The following TOR1AIP2 variants were observed in gnomAD, a reference collection of about 807,000 sequenced individuals.
TOR1AIP2 encodes the protein torsin-1A-interacting protein 2.
In TOR1AIP2, 20 loss-of-function variants were observed where a neutral mutation model predicts 32.6. The observed-to-expected ratio is 0.61, with a 90% CI of 0.43 to 0.89. The LOEUF is 0.89. Among genes scored for constraint, TOR1AIP2 ranks in the 40% least tolerant of loss-of-function variants. The probability of loss-of-function intolerance (pLI) is 0.00; values close to 1 mark genes in which losing one functional copy is unlikely to be tolerated. For missense variants in TOR1AIP2, 456 were observed against 553.8 expected, an observed-to-expected ratio of 0.82 and a Z score of 1.77; for synonymous variants, 214 against 210.8, an observed-to-expected ratio of 1.02 and a Z score of -0.13.
chr1:179,866,014 T>G (rs1372474487), intron 2 of TOR1AIP2, among the ~76,000 whole-genome samples, 160 bp from the exon 3 acceptor site: 1 of 152,236 alleles, frequency 6.6e-6, no homozygotes, highest in African/African-American at 2.4e-5. Context: ...CCAACTGATA[T>G]GTTGGCACTA....
At chr1:179,864,311 A>G (rs1382503551) in intron 3 of TOR1AIP2, 42 of 986,098 alleles carry the variant, frequency 4.3e-5, no homozygotes, top group Non-Finnish European at 4.9e-5. Flanking sequence ...TGACCAATGC[A>G]TAAGAGGTGA....
intron 6 of TOR1AIP2, 65 bp downstream of exon 6, chr1:179,847,470 A>T: frequency 9.5e-7 from 1 of 1,047,470 alleles, no homozygotes; most frequent in Non-Finnish European, 1.5e-6. Context: ...CTAGTTTTCT[A>T]GGCATTTTCA....
chr1:179,845,972 C>A lies in TOR1AIP2; in HGVS notation c.*99G>T. On this transcript the variant is annotated 3_prime_UTR_variant, in exon 7 of 7. Coordinates refer to ENST00000609928, the MANE Select transcript of TOR1AIP2 (RefSeq NM_001199260.2). ...TCATCTTTGTTTTTCAGGCTATTTCCTCAAGCTATTTTATCAACCTCCTTC... is the reference window on the plus strand; with the variant it reads ...TCATCTTTGTTTTTCAGGCTATTTCATCAAGCTATTTTATCAACCTCCTTC... The A allele has an allele frequency of 9.2e-7, 1 of 1,088,736 alleles. No homozygotes were observed. The highest frequency in any genetic ancestry group is 1.3e-6 in the Non-Finnish European group (1 of 764,042). The allele number at this position is 1,088,736 out of a possible 1,614,324, so 67.4% of individuals were successfully genotyped here. A position where few individuals can be genotyped will look rare whatever the true frequency, so the allele number is the denominator to read the frequency against.
In TOR1AIP2 at chr1:179,852,784, C is replaced by T; in HGVS notation, c.-119G>A. The T allele has an allele frequency of 6.4e-7, 1 of 1,562,206 alleles. No homozygotes were observed. Among genetic ancestry groups the T allele is most frequent in the Non-Finnish European group, 8.7e-7 (1 of 1,152,838 alleles). On this transcript the variant is annotated 5_prime_UTR_variant, in exon 4 of 7. Transcript: ENST00000609928. ...CCAACAGACTCATGCTTCCCATGGA[C>T]CCAGGAAATAAGGCATATATACAGT... is the stretch of plus-strand genomic sequence containing the variant.
intron 2 of TOR1AIP2, among the ~76,000 whole-genome samples, chr1:179,872,650 T>C (rs1028262046): frequency 3.3e-5 from 5 of 152,236 alleles, no homozygotes; most frequent in Non-Finnish European, 7.3e-5. Context: ...ATTCTACAGA[T>C]ATTTTCTGAG....
chr1:179,852,440 A>G (rs1424239748), intron 4 of TOR1AIP2, among the ~76,000 whole-genome samples, 192 bp downstream of exon 4: 1 of 152,222 alleles, frequency 6.6e-6, no homozygotes, highest in Non-Finnish European at 1.5e-5. Context: ...TCTTCCTTAT[A>G]TTATAATTAG....
In TOR1AIP2 at chr1:179,852,710, T is replaced by C; in HGVS notation, c.-45A>G. The stretch of plus-strand genomic sequence containing the variant: ...AGAGTTGGGAGGATACTTTTTTTAG[T>C]ACTTGGTTTTCCTTGTGAAGATGTC... On this transcript the variant is annotated 5_prime_UTR_variant, in exon 4 of 7. Transcript: ENST00000609928. The C allele has an allele frequency of 6.2e-7, 1 of 1,613,566 alleles. No individual in the cohort carries two copies. The highest frequency in any genetic ancestry group is 1.1e-5 in the South Asian group (1 of 91,064).
rs1302457558 is a variant in TOR1AIP2 at position 179,841,985 on chromosome 1, G to C, written c.*4086C>G. 1 of 152,288 alleles carries C rather than the reference G, an allele frequency of 6.6e-6. No homozygotes were observed. The highest frequency in any genetic ancestry group is 1.5e-5 in the Non-Finnish European group (1 of 68,104). The allele number at this position is 152,288 out of a possible 1,614,324, so 9.4% of individuals were successfully genotyped here. On this transcript the variant is annotated 3_prime_UTR_variant, in exon 7 of 7. Coordinates refer to ENST00000609928, the MANE Select transcript of TOR1AIP2 (RefSeq NM_001199260.2). ...GGAGGCCGAGGCGGGTGGATCACTT[G>C]AGGTGAGGAGTTCGAGACCAGCCTG...
intron 2 of TOR1AIP2, among the ~76,000 whole-genome samples, chr1:179,872,488 C>A (rs945996987): frequency 6.6e-6 from 1 of 152,188 alleles, no homozygotes; most frequent in African/African-American, 2.4e-5. Context: ...ATTATTTTCA[C>A]AATTTTTCGT....
intron 2 of TOR1AIP2, among the ~76,000 whole-genome samples, chr1:179,866,102 T>C (rs1233836875): frequency 1.3e-5 from 2 of 152,164 alleles, no homozygotes; most frequent in African/African-American, 4.8e-5. Flanking sequence ...CATGTGTGCC[T>C]TGGGAATAAT....
rs1038341854 is a variant in TOR1AIP2, at chr1:179,851,060, A to C, written c.338T>G (p.Leu113Trp). Residue 113 changes from leucine to tryptophan, a missense_variant, in exon 5 of 7, where the codon TTG becomes TGG. Coordinates refer to ENST00000609928, the MANE Select transcript of TOR1AIP2 (RefSeq NM_001199260.2). ...LPSENLGKEP[L>W]DPDPSHSPSD... ...TGGAGAATGGCTGGGATCTGGATCC[A>C]AGGGTTCTTTACCCAGATTTTCTGA... 6 of 1,614,112 alleles carry C rather than the reference A, an allele frequency of 3.7e-6. No homozygotes were observed. The African/African-American group carries it at 8.0e-5, about 22-fold the overall frequency.
intron 3 of TOR1AIP2, among the ~76,000 whole-genome samples, chr1:179,856,935 C>G (rs577430822): frequency 6.6e-6 from 1 of 152,332 alleles, no homozygotes; most frequent in African/African-American, 2.4e-5. Context: ...ATCTTTTGAA[C>G]AGTGTCTGAT....
At chr1:179,850,721 C>T in intron 5 of TOR1AIP2, 124 bp downstream of exon 5, 1 of 1,225,716 alleles carries the variant, frequency 8.2e-7, no homozygotes, top group Non-Finnish European at 1.1e-6. Flanking sequence ...TTGGGCAAGG[C>T]CCAAAGGCCT....
At chr1:179,851,424 A>G in intron 4 of TOR1AIP2, 61 bp from the exon 5 acceptor site, 2 of 1,239,494 alleles carry the variant, frequency 1.6e-6, no homozygotes, top group Non-Finnish European at 2.2e-6. Context: ...TTATATTTTA[A>G]CAAGGTCCCT....
chr1:179,861,085 C>T, intron 3 of TOR1AIP2: 2 of 985,358 alleles, frequency 2.0e-6, no homozygotes, highest in Non-Finnish European at 2.4e-6. Flanking sequence ...CCTGGACTGC[C>T]ATAAAATAAC....
In TOR1AIP2 at chr1:179,843,241, C is replaced by T. The variant is rs143726319; in HGVS notation, c.*2830G>A. On this transcript the variant is annotated 3_prime_UTR_variant, in exon 7 of 7. Transcript: ENST00000609928. ...ATTTTTGAGGCCAGGTGCAGTGGCT[C>T]GTGCCTATAATCCTAGCACTTTGAA... is the stretch of plus-strand genomic sequence containing the variant. 4 of 152,066 alleles carry T rather than the reference C, an allele frequency of 2.6e-5. No homozygotes were observed. The highest frequency in any genetic ancestry group is 7.2e-5 in the African/African-American group (3 of 41,498). The allele number at this position is 152,066 out of a possible 1,614,324, so 9.4% of individuals were successfully genotyped here.
In TOR1AIP2 at chr1:179,843,856, G is replaced by T. The variant is rs1019409354; in HGVS notation, c.*2215C>A. 1.4e-5 allele frequency: 2 copies of T among 146,816 alleles called. No homozygotes were observed. Among genetic ancestry groups the T allele is most frequent in the Admixed American group, 6.8e-5 (1 of 14,642 alleles). The allele number at this position is 146,816 out of a possible 1,614,324, so 9.1% of individuals were successfully genotyped here. A position where few individuals can be genotyped will look rare whatever the true frequency, so the allele number is the denominator to read the frequency against. ...AAAAAAAAAAAAGACTTTTGAAATA[G>T]CAGACAGAAAACTGACAACACCCTC... is the stretch of plus-strand genomic sequence containing the variant. On this transcript the variant is annotated 3_prime_UTR_variant, in exon 7 of 7. Transcript: ENST00000609928.
rs529489235 is a variant in TOR1AIP2 at position 179,860,054 on chromosome 1, C to G, written c.-147+5382G>C. On this transcript the variant is annotated intron_variant, in intron 3 of 6. Coordinates refer to ENST00000609928, the MANE Select transcript of TOR1AIP2 (RefSeq NM_001199260.2). ...TAGAGTTGGGGGTCTCACTATGTTG[C>G]TCAGGCTTGTTTTGAACTCCTGGGC... The G allele has an allele frequency of 8.3e-6, 7 of 845,516 alleles. No individual in the cohort carries two copies. The South Asian group carries it at 3.8e-4, about 46-fold the overall frequency. 52.4% of individuals were successfully genotyped at this position (845,516 alleles called of 1,614,324 possible). A position where few individuals can be genotyped will look rare whatever the true frequency, so the allele number is the denominator to read the frequency against.
At chr1:179,862,322 T>C (rs1696571894) in intron 3 of TOR1AIP2, 1 of 984,238 alleles carries the variant, frequency 1.0e-6, no homozygotes, top group African/African-American at 1.7e-5. Flanking sequence ...ATAATACTGA[T>C]CATAATACTA....
Sources: gnomAD v4.1 joint callset for allele counts (sites outside exome capture counted in the v4.1 genomes callset) on GRCh38, gnomAD v4.1.1 for gene constraint, MANE v1.5 for transcripts, NCBI Gene and HGNC (gene_info 2026-07-23, HGNC 2026-07-21) for gene names.